The following TLCD4 variants were observed in gnomAD, a reference collection of about 807,000 sequenced individuals.
TLCD4 encodes the protein TLC domain containing 4.
A neutral mutation model predicts 24.2 loss-of-function variants in TLCD4; 7 were observed. The ratio of observed to expected loss-of-function variants is 0.29; its 90% CI spans 0.16 to 0.54. TLCD4 has a LOEUF of 0.54. Among genes scored for constraint, TLCD4 ranks in the 20% least tolerant of loss-of-function variants. The probability of loss-of-function intolerance (pLI) is 0.95; values close to 1 mark genes in which losing one functional copy is unlikely to be tolerated. For missense variants in TLCD4, 259 were observed against 313.9 expected, an observed-to-expected ratio of 0.82 and a Z score of 1.32; for synonymous variants, 103 against 106.4, an observed-to-expected ratio of 0.97 and a Z score of 0.20.
chr1:95,142,241 A>G (rs946428346), intron 1 of TLCD4, among the ~76,000 whole-genome samples: 3 of 141,848 alleles, frequency 2.1e-5, no homozygotes, highest in Non-Finnish European at 4.5e-5. Flanking sequence ...GCATAGTACT[A>G]TTCTTTCTGC....
intron 5 of TLCD4, among the ~76,000 whole-genome samples, chr1:95,169,275 G>A (rs1434356443): frequency 1.3e-5 from 2 of 152,128 alleles, no homozygotes; most frequent in African/African-American, 4.8e-5. Flanking sequence ...TGCTTATCTG[G>A]GAACTACACG....
chr1:95,113,782 T>C (rs576338029), upstream of TLCD4, among the ~76,000 whole-genome samples: 1 of 151,994 alleles, frequency 6.6e-6, no homozygotes, highest in Non-Finnish European at 1.5e-5. Flanking sequence ...TCCAGAAAAC[T>C]GAGTGTGCCT....
the TLCD4 span, among the ~76,000 whole-genome samples, chr1:95,098,640 C>G: frequency 6.6e-6 from 1 of 152,098 alleles, no homozygotes; most frequent in African/African-American, 2.4e-5. Flanking sequence ...TTTGATTCTC[C>G]TGTTAGAAAA....
intron 5 of TLCD4, among the ~76,000 whole-genome samples, chr1:95,171,601 G>C (rs1461785943): frequency 1.3e-5 from 2 of 152,146 alleles, no homozygotes; most frequent in Non-Finnish European, 2.9e-5. Context: ...ATCAACACCA[G>C]AGTGTCCCAG....
chr1:95,135,096 T>C (rs947778944), intron 1 of TLCD4, among the ~76,000 whole-genome samples: 2 of 152,222 alleles, frequency 1.3e-5, no homozygotes, highest in African/African-American at 4.8e-5. Context: ...TTTCCTTCCC[T>C]GTGAAATTAT....
At chr1:95,102,906 C>CTA in the TLCD4 span, among the ~76,000 whole-genome samples, 12,623 of 150,480 alleles carry the variant, frequency 0.084, 554 homozygotes, top group African/African-American at 0.11. Flanking sequence ...GGATAAAGTA[C>CTA]TATATATATA....
chr1:95,169,729 G>A (rs1172707523), intron 5 of TLCD4, among the ~76,000 whole-genome samples: 3 of 152,020 alleles, frequency 2.0e-5, no homozygotes, highest in Non-Finnish European at 2.9e-5. Flanking sequence ...AGGCTGGTAT[G>A]CAGTAGTGTG....
chr1:95,134,723 G>C (rs1205363914), intron 1 of TLCD4, among the ~76,000 whole-genome samples: 1 of 152,164 alleles, frequency 6.6e-6, no homozygotes, highest in Non-Finnish European at 1.5e-5. Flanking sequence ...GCATGAGTTA[G>C]GGGTCTAGAC....
intron 1 of TLCD4, among the ~76,000 whole-genome samples, chr1:95,126,400 C>T (rs549367006): frequency 5.8e-4 from 86 of 148,876 alleles, no homozygotes; most frequent in Non-Finnish European, 9.8e-4. Context: ...TGCACTCCAG[C>T]CCAGGTGACA....
At chr1:95,181,274 G>T (rs923545755) in intron 6 of TLCD4, among the ~76,000 whole-genome samples, 63 of 151,952 alleles carry the variant, frequency 4.1e-4, no homozygotes, top group African/African-American at 1.3e-3. Context: ...TGGAATGATA[G>T]AATTCAGCTG....
intron 1 of TLCD4, among the ~76,000 whole-genome samples, chr1:95,138,803 C>T (rs576463324): frequency 6.6e-6 from 1 of 151,350 alleles, no homozygotes; most frequent in East Asian, 1.9e-4. Context: ...ATTTACTGTA[C>T]TGAATACATG....
At chr1:95,142,800 A>G (rs1053325938) in intron 1 of TLCD4, among the ~76,000 whole-genome samples, 3 of 152,054 alleles carry the variant, frequency 2.0e-5, no homozygotes, top group Non-Finnish European at 2.9e-5. Context: ...AAATACAAAA[A>G]TTAACCGAGT....
rs545804420 is a variant in TLCD4, at chr1:95,184,096, C to T, written c.474-7454C>T. 2.0e-5 allele frequency among the ~76,000 whole-genome samples: 3 copies of T among 152,244 alleles called. No homozygotes were observed. In the East Asian group the frequency reaches 5.8e-4, roughly 29 times the overall value. On this transcript the variant is annotated intron_variant, in intron 6 of 6. Transcript: ENST00000370203. ...GATGTAAGTAGAGTCAGCTTACAGC[C>T]CAGTCCCTTCACAGAGTTCCAGAAA...
At chr1:95,132,801 A>C (rs754747631) in intron 1 of TLCD4, among the ~76,000 whole-genome samples, 11 of 152,200 alleles carry the variant, frequency 7.2e-5, no homozygotes, top group Non-Finnish European at 1.2e-4. Flanking sequence ...TCTGTTATTT[A>C]GTAGCTGGGT....
chr1:95,150,141 T>C lies in TLCD4; in HGVS notation c.246-67T>C, dbSNP rs1677452836. The C allele has an allele frequency of 3.9e-6, 6 of 1,527,824 alleles. No individual in the cohort carries two copies. In the South Asian group the frequency reaches 5.0e-5, roughly 13 times the overall value. 94.6% of individuals were successfully genotyped at this position (1,527,824 alleles called of 1,614,324 possible). On this transcript the variant is annotated intron_variant, in intron 3 of 6. Transcript: ENST00000370203. ...CAATTTTATTATATTTAAATCTCTA[T>C]AGAAAAAAGAAGTAGCGGTCATCTA...
the TLCD4 span, among the ~76,000 whole-genome samples, chr1:95,093,594 G>T: frequency 6.6e-6 from 1 of 152,196 alleles, no homozygotes; most frequent in African/African-American, 2.4e-5. Context: ...TCAGATGTTT[G>T]GGTGTCCCAA....
At chr1:95,111,472 T>C in the TLCD4 span, among the ~76,000 whole-genome samples, 1 of 152,258 alleles carries the variant, frequency 6.6e-6, no homozygotes, top group Admixed American at 6.5e-5. Flanking sequence ...GTGTTTATCA[T>C]GTATTCTTTG....
At chr1:95,182,311 C>G (rs1032474119) in intron 6 of TLCD4, among the ~76,000 whole-genome samples, 1 of 151,358 alleles carries the variant, frequency 6.6e-6, no homozygotes, top group Non-Finnish European at 1.5e-5. Context: ...GTGGAAGAAC[C>G]TGGTAGTTTA....
the TLCD4 span, among the ~76,000 whole-genome samples, chr1:95,097,057 G>A: frequency 6.7e-6 from 1 of 150,370 alleles, no homozygotes; most frequent in African/African-American, 2.4e-5. Context: ...ACATCTCCAA[G>A]TTAATTTCTT....
Sources: allele counts gnomAD v4.1 joint callset (sites outside exome capture counted in the v4.1 genomes callset), GRCh38; gene constraint gnomAD v4.1.1; transcripts MANE v1.5; gene names NCBI Gene and HGNC (gene_info 2026-07-23, HGNC 2026-07-21).